RBFOX1: variants seen among roughly 807,000 people sequenced by gnomAD.
RBFOX1 encodes RNA binding protein fox-1 homolog 1.
In RBFOX1, 8 loss-of-function variants were observed where a neutral mutation model predicts 57.7. The observed-to-expected ratio is 0.14, with a 90% CI of 0.08 to 0.25. RBFOX1 has a LOEUF of 0.25. Among genes scored for constraint, RBFOX1 ranks in the 10% least tolerant of loss-of-function variants. The pLI, the probability that RBFOX1 is intolerant of heterozygous loss-of-function variation, is 1.00. For missense variants in RBFOX1, 611 were observed against 548.5 expected, an observed-to-expected ratio of 1.11 and a Z score of -1.14; for synonymous variants, 326 against 222.4, an observed-to-expected ratio of 1.47 and a Z score of -4.15.
At chr16:6,745,000 C>T (rs973512228) in intron 3 of RBFOX1, among the ~76,000 whole-genome samples, 6 of 151,808 alleles carry the variant, frequency 4.0e-5, no homozygotes, top group African/African-American at 1.2e-4. Flanking sequence ...AAAGAGGAGG[C>T]ATCACTACAG....
chr16:7,254,725 CCTAAAA>C (rs2094610287), intron 4 of RBFOX1, among the ~76,000 whole-genome samples: 2 of 152,096 alleles, frequency 1.3e-5, no homozygotes, highest in South Asian at 2.1e-4. Flanking sequence ...TTGTTATTAT[CCTAAAA>C]CTAAATTATA....
chr16:7,595,805 A>AG (rs1373562606), intron 8 of RBFOX1, among the ~76,000 whole-genome samples, 164 bp downstream of exon 8: 60 of 145,886 alleles, frequency 4.1e-4, no homozygotes, highest in Non-Finnish European at 6.0e-4. Flanking sequence ...AACTGGCCTT[A>AG]CTTTTTTTTT....
At chr16:6,055,198 A>G (rs2152444827) in intron 1 of RBFOX1, among the ~76,000 whole-genome samples, 1 of 152,272 alleles carries the variant, frequency 6.6e-6, no homozygotes, top group East Asian at 1.9e-4. Context: ...CGGAATTATT[A>G]AAAAGCACTT....
At chr16:6,964,890 C>G (rs769439174) in intron 3 of RBFOX1, among the ~76,000 whole-genome samples, 1 of 152,176 alleles carries the variant, frequency 6.6e-6, no homozygotes, top group Non-Finnish European at 1.5e-5. Context: ...ACTCCTTAAC[C>G]TCCTCCCTGA....
chr16:7,087,719 C>T (rs1240325133), intron 4 of RBFOX1, among the ~76,000 whole-genome samples: 3 of 152,096 alleles, frequency 2.0e-5, no homozygotes, highest in Non-Finnish European at 2.9e-5. Flanking sequence ...AGAAGAGGGT[C>T]TCTAAGGACT....
rs536904690 is a variant in RBFOX1, at chr16:6,097,127, G to A, written c.-127+77135G>A. 6.6e-5 allele frequency among the ~76,000 whole-genome samples: 10 copies of A among 152,174 alleles called. No individual in the cohort carries two copies. Among genetic ancestry groups the A allele is most frequent in the South Asian group, 2.1e-4 (1 of 4,820 alleles). Reference sequence around the variant, plus strand: ...TCTGATGGTTTGATAAGGGGAAATCGCTTTCACTTCGTTCTTATATTCTTT... The same window carrying A: ...TCTGATGGTTTGATAAGGGGAAATCACTTTCACTTCGTTCTTATATTCTTT... On this transcript the variant is annotated intron_variant, in intron 1 of 15. Coordinates refer to ENST00000550418, the MANE Select transcript of RBFOX1 (RefSeq NM_018723.4). This position sits in a 1 kb window ranked among gnomAD's most constrained non-coding sequence, Gnocchi z 5.0.
At chr16:5,458,939 C>T (rs1397484382) in intron 1 of RBFOX1, among the ~76,000 whole-genome samples, 1 of 152,176 alleles carries the variant, frequency 6.6e-6, no homozygotes, top group Admixed American at 6.5e-5. Flanking sequence ...GAGCACCTGG[C>T]TTCAACTCTT....
At chr16:6,453,971 C>T (rs905290668) in intron 2 of RBFOX1, among the ~76,000 whole-genome samples, 14 of 152,162 alleles carry the variant, frequency 9.2e-5, no homozygotes, top group African/African-American at 2.7e-4. Flanking sequence ...AAATCCAAGG[C>T]GTTGGCATGG....
chr16:6,457,437 G>GGC (rs1240682051), intron 2 of RBFOX1, among the ~76,000 whole-genome samples: 9 of 36,208 alleles, frequency 2.5e-4, no homozygotes, highest in African/African-American at 8.8e-4. Context: ...ATTTCCGGAA[G>GGC]TCCCCCCCCC....
intron 4 of RBFOX1, among the ~76,000 whole-genome samples, chr16:5,908,299 TATAC>T (rs1363701901): frequency 2.8e-5 from 4 of 143,376 alleles, no homozygotes; most frequent in Non-Finnish European, 4.5e-5. Flanking sequence ...CACATATATA[TATAC>T]ACACATATAT....
Position 5,583,116 on chromosome 16 carries a change from A to T in RBFOX1, c.259-15786A>T, listed in dbSNP as rs376252357. On this transcript the variant is annotated intron_variant, in intron 2 of 2. Coordinates refer to the RBFOX1 transcript ENST00000585867. ...TTTGAACCCTGGCAGTTTGGCTTGC[A>T]CGTTCTTGCAGAGCTCAAATACATT... Among the ~76,000 whole-genome samples, 451 of 152,336 alleles carry T rather than the reference A, an allele frequency of 3.0e-3. 3 individuals are homozygous for T. The highest frequency in any genetic ancestry group is 9.9e-3 in the African/African-American group (411 of 41,582).
chr16:5,520,185 G>A (rs1159686741), intron 2 of RBFOX1, among the ~76,000 whole-genome samples: 1 of 152,158 alleles, frequency 6.6e-6, no homozygotes, highest in Non-Finnish European at 1.5e-5. Context: ...AGAGAGATGA[G>A]TGAAGGAGAG....
chr16:6,672,686 C>A (rs12926794), intron 3 of RBFOX1, among the ~76,000 whole-genome samples: 43,220 of 151,992 alleles, frequency 0.28, 6,474 homozygotes, highest in African/African-American at 0.38. Flanking sequence ...ACCATGATTC[C>A]GCTTCTGCTT....
intron 2 of RBFOX1, among the ~76,000 whole-genome samples, chr16:6,526,829 C>CAAAAAAAAAA (rs541468859): frequency 2.4e-4 from 8 of 32,892 alleles, no homozygotes; most frequent in African/African-American, 6.5e-4. Context: ...GACTCTGTCT[C>CAAAAAAAAAA]AAAAAAAAAA....
At chr16:7,085,365 A>C (rs1461632129) in intron 4 of RBFOX1, among the ~76,000 whole-genome samples, 2 of 151,846 alleles carry the variant, frequency 1.3e-5, no homozygotes, top group African/African-American at 4.9e-5. Flanking sequence ...CTTCAAAAAA[A>C]AATATATATG....
intron 3 of RBFOX1, among the ~76,000 whole-genome samples, chr16:6,955,093 T>G (rs1401003716): frequency 1.3e-5 from 2 of 149,504 alleles, no homozygotes; most frequent in African/African-American, 4.9e-5. Context: ...CACAAAAAAT[T>G]AGCTGGGCAT....
chr16:5,360,868 T>C (rs1487184322), intron 1 of RBFOX1, among the ~76,000 whole-genome samples: 2 of 152,176 alleles, frequency 1.3e-5, no homozygotes, highest in East Asian at 1.9e-4. Flanking sequence ...ACTGATCTTA[T>C]AGCATGAACC....
intron 3 of RBFOX1, among the ~76,000 whole-genome samples, chr16:7,029,075 TATATATACACACAC>T (rs1394184631): frequency 4.3e-5 from 2 of 46,052 alleles, no homozygotes; most frequent in African/African-American, 2.4e-4. Context: ...TATATATATA[TATATATACACACAC>T]ACACACACAC....
At chr16:6,312,920 A>T (rs2080548348) in intron 1 of RBFOX1, among the ~76,000 whole-genome samples, 1 of 152,178 alleles carries the variant, frequency 6.6e-6, no homozygotes, top group African/African-American at 2.4e-5. Flanking sequence ...GAGACAGGCA[A>T]ACTTTCATCA....
Sources: allele counts gnomAD v4.1 joint callset (sites outside exome capture counted in the v4.1 genomes callset), GRCh38; gene constraint gnomAD v4.1.1; non-coding constraint Gnocchi (gnomAD v3.1); transcripts MANE v1.5; gene names NCBI Gene and HGNC (gene_info 2026-07-23, HGNC 2026-07-21).